PCLO: variants seen among roughly 807,000 people sequenced by gnomAD.
PCLO encodes protein piccolo.
Under a neutral mutation model 427.5 loss-of-function variants are expected in PCLO, and 82 were observed. That is an observed-to-expected ratio of 0.19 (90% CI 0.16 to 0.23). The LOEUF is 0.23. Ranked by LOEUF, PCLO falls within the 10% of genes least tolerant of loss-of-function variation. PCLO has a pLI of 1.00. For synonymous variants in PCLO, 2,357 were observed against 2,155.4 expected, an observed-to-expected ratio of 1.09 and a Z score of -2.59; for missense variants, 6,239 against 6,115.9, an observed-to-expected ratio of 1.02 and a Z score of -0.67.
intron 22 of PCLO, among the ~76,000 whole-genome samples, chr7:82,791,918 A>G (rs1791109670): frequency 6.6e-6 from 1 of 152,050 alleles, no homozygotes; most frequent in African/African-American, 2.4e-5. Flanking sequence ...TCATTTTTAA[A>G]AATTCTGAAT....
At chr7:82,912,662 A>G (rs889687699) in intron 7 of PCLO, among the ~76,000 whole-genome samples, 9 of 151,952 alleles carry the variant, frequency 5.9e-5, no homozygotes, top group African/African-American at 2.2e-4. Context: ...CTCATCCTCT[A>G]TTTTATCAAA....
At chr7:82,847,749 C>G (rs1362660185) in intron 10 of PCLO, among the ~76,000 whole-genome samples, 1 of 152,046 alleles carries the variant, frequency 6.6e-6, no homozygotes, top group Non-Finnish European at 1.5e-5. Context: ...AAACAGAATG[C>G]CACTTCGTGT....
At chr7:82,782,541 CAGA>C (rs1790895107) in intron 22 of PCLO, among the ~76,000 whole-genome samples, 1 of 152,074 alleles carries the variant, frequency 6.6e-6, no homozygotes, top group African/African-American at 2.4e-5. Context: ...TATGCTTAGC[CAGA>C]AGAAGTCGAA....
In PCLO at chr7:82,966,039, G is replaced by A. The variant is rs1795762166; in HGVS notation, c.3749C>T (p.Pro1250Leu). ...TTCTGGGGCTGATGTTTTTGCCTCTGGGAGTAGCTTTTTGTCTTCAGGGGT... is the reference window on the plus strand; with the variant it reads ...TTCTGGGGCTGATGTTTTTGCCTCTAGGAGTAGCTTTTTGTCTTCAGGGGT... ...KPTPEDKKLL[P>L]EAKTSAPEEQ... The change falls in exon 4 of 25, where the codon CCA (proline) becomes CTA (leucine). Residue 1250 changes from proline (P) to leucine (L), a missense_variant. By Grantham distance (98) the Pro-to-Leu change is moderately conservative. This residue lies in a region of PCLO where 4,677 missense variants were observed against 4,468.4 expected (regional missense o/e 1.05). Coordinates refer to ENST00000333891, the MANE Select transcript of PCLO (RefSeq NM_033026.6). 1 of 1,613,390 alleles carries A rather than the reference G, an allele frequency of 6.2e-7. No individual in the cohort carries two copies. The highest frequency in any genetic ancestry group is 8.5e-7 in the Non-Finnish European group (1 of 1,179,776).
intron 3 of PCLO, among the ~76,000 whole-genome samples, chr7:82,995,570 T>C (rs1219589212): frequency 1.3e-5 from 2 of 151,942 alleles, no homozygotes. Context: ...GTGGAAATAT[T>C]GCAACTACTT....
chr7:82,794,937 C>T (rs1791195005), intron 22 of PCLO, among the ~76,000 whole-genome samples: 1 of 151,882 alleles, frequency 6.6e-6, no homozygotes, highest in Admixed American at 6.6e-5. Context: ...GTTTATTTTA[C>T]TATATGTGTT....
intron 19 of PCLO, among the ~76,000 whole-genome samples, 177 bp downstream of exon 19, chr7:82,824,059 G>T (rs1791866265): frequency 6.6e-6 from 1 of 152,138 alleles, no homozygotes; most frequent in Non-Finnish European, 1.5e-5. Flanking sequence ...TATGGGTGAT[G>T]ATCTGAGAAT....
intron 6 of PCLO, among the ~76,000 whole-genome samples, chr7:82,919,197 T>C (rs1004280206): frequency 2.6e-5 from 4 of 151,966 alleles, no homozygotes; most frequent in Non-Finnish European, 5.9e-5. Context: ...GTAACAAACC[T>C]GCACATTCTG....
intron 3 of PCLO, among the ~76,000 whole-genome samples, chr7:83,087,470 GA>G (rs953115078): frequency 8.2e-5 from 12 of 145,868 alleles, no homozygotes; most frequent in South Asian, 2.1e-4. Context: ...TTCAAAGTGT[GA>G]AAAAAAAAAG....
chr7:83,017,608 T>C (rs1788239734), intron 3 of PCLO, among the ~76,000 whole-genome samples: 1 of 151,996 alleles, frequency 6.6e-6, no homozygotes, highest in Admixed American at 6.6e-5. Context: ...TATTTTAGCA[T>C]CCTTTTCCTA....
At chr7:83,160,496 A>G (rs1364616713) in intron 1 of PCLO, among the ~76,000 whole-genome samples, 1 of 152,164 alleles carries the variant, frequency 6.6e-6, no homozygotes, top group East Asian at 1.9e-4. Context: ...TGTACCTTTT[A>G]TAGAAATCTT....
At chr7:82,881,805 T>G (rs554043703) in intron 9 of PCLO, among the ~76,000 whole-genome samples, 1 of 152,158 alleles carries the variant, frequency 6.6e-6, no homozygotes, top group East Asian at 1.9e-4. Flanking sequence ...CATGCCCACC[T>G]AATTTTTTTT....
chr7:82,803,823 G>C (rs1430395670), intron 21 of PCLO, among the ~76,000 whole-genome samples: 1 of 152,104 alleles, frequency 6.6e-6, no homozygotes, highest in East Asian at 1.9e-4. Flanking sequence ...GTTTTCAAAA[G>C]TAAATATTCG....
chr7:82,917,615 C>T (rs1480733200), intron 6 of PCLO, among the ~76,000 whole-genome samples: 1 of 151,976 alleles, frequency 6.6e-6, no homozygotes, highest in Admixed American at 6.6e-5. Flanking sequence ...TTTAGGATAT[C>T]AAAAGACATG....
intron 3 of PCLO, among the ~76,000 whole-genome samples, chr7:83,126,395 C>T (rs968964526): frequency 1.5e-4 from 23 of 151,982 alleles, no homozygotes; most frequent in African/African-American, 5.6e-4. Flanking sequence ...GTTCCTAACA[C>T]AAATAAATGA....
At chr7:82,789,431 C>A (rs1318252247) in intron 22 of PCLO, among the ~76,000 whole-genome samples, 1 of 152,162 alleles carries the variant, frequency 6.6e-6, no homozygotes, top group Non-Finnish European at 1.5e-5. Flanking sequence ...TGTGGCCAGG[C>A]ACAGTGGCTC....
chr7:82,848,476 A>G (rs2115828290), intron 10 of PCLO, among the ~76,000 whole-genome samples: 1 of 151,430 alleles, frequency 6.6e-6, no homozygotes, highest in Admixed American at 6.6e-5. Flanking sequence ...ACGCCTGGCT[A>G]ATTTTTGTAT....
chr7:82,952,864 T>C lies in PCLO; in HGVS notation c.8089A>G (p.Thr2697Ala), dbSNP rs1795394277. The change falls in exon 5 of 25, where the codon ACA becomes GCA. Residue 2697 changes from threonine (T) to alanine (A), a missense_variant. Around this residue, in one of 5 missense-constraint regions of PCLO, gnomAD observed 4,677 missense variants for 4,468.4 expected, o/e 1.05. Transcript: ENST00000333891. Reference protein sequence around the residue: ...PSVGLSSISITIPPEPLALDN... With the variant: ...PSVGLSSISIAIPPEPLALDN... Reference sequence around the variant, plus strand: ...AGAGCAAGAGGCTCTGGAGGAATTGTTATGGAAATGCTGCTGAGACCAACA... The same window carrying C: ...AGAGCAAGAGGCTCTGGAGGAATTGCTATGGAAATGCTGCTGAGACCAACA... 1.2e-6 allele frequency: 2 copies of C among 1,613,912 alleles called. No individual in the cohort carries two copies. The highest frequency in any genetic ancestry group is 1.3e-5 in the African/African-American group (1 of 75,046).
At chr7:82,911,450 T>A (rs1328114586) in intron 7 of PCLO, among the ~76,000 whole-genome samples, 3 of 152,004 alleles carry the variant, frequency 2.0e-5, no homozygotes, top group African/African-American at 7.3e-5. Context: ...ATTTTTTTTT[T>A]AAACTTGACA....
Sources: allele counts gnomAD v4.1 joint callset (sites outside exome capture counted in the v4.1 genomes callset), GRCh38; gene constraint gnomAD v4.1.1; regional missense constraint gnomAD v4.1.1; transcripts MANE v1.5; gene names NCBI Gene and HGNC (gene_info 2026-07-23, HGNC 2026-07-21).